The following CRB1 variants were observed in gnomAD, a reference collection of about 807,000 sequenced individuals.
CRB1 encodes crumbs cell polarity complex component 1.
A neutral mutation model predicts 120.0 loss-of-function variants in CRB1; 83 were observed. The observed-to-expected ratio is 0.69, with a 90% CI of 0.58 to 0.83. CRB1 has a LOEUF of 0.83. Among genes scored for constraint, CRB1 ranks in the 40% least tolerant of loss-of-function variants. CRB1 has a pLI of 0.00. For missense variants in CRB1, 1,699 were observed against 1,687.6 expected (o/e 1.01, Z -0.12); for synonymous variants, 625 against 612.5 (o/e 1.02, Z -0.30).
chr1:197,256,977 T>C, the CRB1 span, among the ~76,000 whole-genome samples: 4 of 144,684 alleles, frequency 2.8e-5, no homozygotes, highest in Non-Finnish European at 5.9e-5. Flanking sequence ...GTGTAATTTA[T>C]TAGGGAAATT....
At chr1:197,249,030 A>G in the CRB1 span, among the ~76,000 whole-genome samples, 1 of 151,974 alleles carries the variant, frequency 6.6e-6, no homozygotes, top group African/African-American at 2.4e-5. Context: ...ACAGAGAAAT[A>G]GCTATTGGTC....
intron 1 of CRB1, among the ~76,000 whole-genome samples, chr1:197,313,676 A>G (rs1657679536): frequency 6.6e-6 from 1 of 152,024 alleles, no homozygotes; most frequent in Non-Finnish European, 1.5e-5. Flanking sequence ...TTTCACTCCC[A>G]TGTATAAGTG....
At chr1:197,319,445 A>G (rs1310075748) in intron 1 of CRB1, among the ~76,000 whole-genome samples, 2 of 147,944 alleles carry the variant, frequency 1.4e-5, no homozygotes, top group African/African-American at 5.0e-5. Flanking sequence ...AAAAAAAAAA[A>G]AAAAAAAAAA....
intron 1 of CRB1, among the ~76,000 whole-genome samples, chr1:197,305,500 T>C (rs1657108065): frequency 6.6e-6 from 1 of 151,862 alleles, no homozygotes; most frequent in African/African-American, 2.4e-5. Context: ...TCTAAAAGGA[T>C]TTTTTGTATG....
chr1:197,236,203 T>C, the CRB1 span, among the ~76,000 whole-genome samples: 1 of 147,908 alleles, frequency 6.8e-6, no homozygotes, highest in Non-Finnish European at 1.5e-5. Context: ...TCCTTTTTTT[T>C]TTTTTTTTTT....
intron 11 of CRB1, chr1:197,442,647 C>T: frequency 2.4e-6 from 2 of 847,098 alleles, no homozygotes; most frequent in Non-Finnish European, 3.4e-6. Flanking sequence ...CTAGAAATAT[C>T]TCCTTATTGT....
chr1:197,429,123 C>T, intron 7 of CRB1: 1 of 1,531,848 alleles, frequency 6.5e-7, no homozygotes. Context: ...GAATCCCTTC[C>T]TCAAATGATA....
intron 4 of CRB1, among the ~76,000 whole-genome samples, chr1:197,354,379 T>C (rs1660305824): frequency 6.6e-6 from 1 of 152,166 alleles, no homozygotes; most frequent in African/African-American, 2.4e-5. Context: ...GATTGACTCT[T>C]CAAGAATGAA....
chr1:197,443,746 A>G (rs1665570273), intron 11 of CRB1: 1 of 151,806 alleles, frequency 6.6e-6, no homozygotes, highest in Admixed American at 6.6e-5. Context: ...GTATACTAAG[A>G]TATGCAAAAA....
intron 1 of CRB1, among the ~76,000 whole-genome samples, chr1:197,290,866 A>C (rs1656134047): frequency 6.6e-6 from 1 of 151,784 alleles, no homozygotes; most frequent in African/African-American, 2.4e-5. Flanking sequence ...GACAATTTCC[A>C]TGCTTTTGCA....
At chr1:197,342,057 T>C (rs1204027461) in intron 2 of CRB1, among the ~76,000 whole-genome samples, 1 of 152,200 alleles carries the variant, frequency 6.6e-6, no homozygotes, top group African/African-American at 2.4e-5. Context: ...TGTAGAATGA[T>C]GACAGAATTT....
intron 5 of CRB1, among the ~76,000 whole-genome samples, chr1:197,417,355 T>TC (rs527425875): frequency 1.1e-4 from 16 of 152,256 alleles, no homozygotes; most frequent in African/African-American, 3.6e-4. Flanking sequence ...GTAAATGTGC[T>TC]CCCCTCCTAC....
intron 1 of CRB1, among the ~76,000 whole-genome samples, chr1:197,279,414 A>G (rs1224168884): frequency 6.6e-6 from 1 of 151,856 alleles, no homozygotes. Flanking sequence ...TCCTAAAGTA[A>G]TCTTAAAATA....
At chr1:197,442,456 T>A in intron 11 of CRB1, 164 bp downstream of exon 11, 1 of 1,544,088 alleles carries the variant, frequency 6.5e-7, no homozygotes, top group Non-Finnish European at 8.7e-7. Context: ...AAAAAAGCCA[T>A]TGAATTTCAA....
At chr1:197,474,416 T>C (rs1056059899) in intron 11 of CRB1, among the ~76,000 whole-genome samples, 3 of 152,180 alleles carry the variant, frequency 2.0e-5, no homozygotes, top group Admixed American at 2.0e-4. Flanking sequence ...TCCCAGGCCT[T>C]GAATTTGCTC....
chr1:197,369,686 C>A (rs557829308), intron 5 of CRB1, among the ~76,000 whole-genome samples: 149 of 152,234 alleles, frequency 9.8e-4, no homozygotes, highest in African/African-American at 3.5e-3. Flanking sequence ...GAAGTCCCAG[C>A]GTCCCAGTTC....
intron 5 of CRB1, 79 bp from the exon 6 acceptor site, chr1:197,420,921 A>T: frequency 1.0e-6 from 1 of 969,706 alleles, no homozygotes; most frequent in Non-Finnish European, 1.7e-6. Flanking sequence ...CTTCTGCAAG[A>T]TTATACAAGT....
chr1:197,267,109 G>C (rs950241579), upstream of CRB1, among the ~76,000 whole-genome samples: 3 of 152,274 alleles, frequency 2.0e-5, no homozygotes, highest in South Asian at 6.2e-4. Flanking sequence ...ATGACTCTGG[G>C]CACACAGAAT....
rs1467064416 is a variant in CRB1 at position 197,356,715 on chromosome 1, G to T, written c.989-116G>T. 1.9e-5 allele frequency: 18 copies of T among 971,250 alleles called. No individual in the cohort carries two copies. In the East Asian group the frequency reaches 4.6e-4, roughly 25 times the overall value. 60.2% of individuals were successfully genotyped at this position (971,250 alleles called of 1,614,324 possible). On this transcript the variant is annotated intron_variant, in intron 4 of 11. Transcript: ENST00000367400. ...GATTCCCCTTACCAGCTCCTTGAGG[G>T]CAGGCACATCAACTTGCTAAATCAA...
Sources: gnomAD v4.1 joint callset for allele counts (sites outside exome capture counted in the v4.1 genomes callset) on GRCh38, gnomAD v4.1.1 for gene constraint, MANE v1.5 for transcripts, NCBI Gene and HGNC (gene_info 2026-07-23, HGNC 2026-07-21) for gene names.